EPG5: variants seen among roughly 807,000 people sequenced by gnomAD.
The protein encoded by EPG5 is ectopic P granules protein 5 homolog.
EPG5 carries 159 observed loss-of-function variants against 302.7 expected under a neutral mutation model. The ratio of observed to expected loss-of-function variants is 0.53; its 90% CI spans 0.46 to 0.60. The LOEUF is 0.60. Ranked by LOEUF, EPG5 falls within the 20% of genes least tolerant of loss-of-function variation. EPG5 has a pLI of 0.00. For missense variants in EPG5, 2,896 were observed against 3,092.4 expected, an observed-to-expected ratio of 0.94 and a Z score of 1.51; for synonymous variants, 1,158 against 1,136.8, an observed-to-expected ratio of 1.02 and a Z score of -0.37.
Position 45,856,745 on chromosome 18 carries a change from T to C in EPG5, c.7443-1058A>G, listed in dbSNP as rs546190145. ...CACAAGAATGCTGACATCATCAAGTTTGCAAACTCTTTTCAACACTGACAA... is the reference window on the plus strand; with the variant it reads ...CACAAGAATGCTGACATCATCAAGTCTGCAAACTCTTTTCAACACTGACAA... On this transcript the variant is annotated intron_variant, in intron 42 of 43. Coordinates refer to ENST00000282041, the MANE Select transcript of EPG5 (RefSeq NM_020964.3). 3.9e-5 allele frequency among the ~76,000 whole-genome samples: 6 copies of C among 152,286 alleles called. No individual in the cohort carries two copies. The South Asian group carries it at 6.2e-4, about 16-fold the overall frequency.
the EPG5 span, among the ~76,000 whole-genome samples, chr18:45,821,977 T>C: frequency 6.6e-6 from 1 of 152,208 alleles, no homozygotes; most frequent in African/African-American, 2.4e-5. Flanking sequence ...GAAGCCACTA[T>C]AGAGAACAAT....
intron 30 of EPG5, among the ~76,000 whole-genome samples, chr18:45,884,037 T>C (rs1334389055): frequency 1.3e-5 from 2 of 152,178 alleles, no homozygotes; most frequent in African/African-American, 4.8e-5. Flanking sequence ...AAACACAATT[T>C]AGGCATAAAT....
intron 35 of EPG5, 125 bp downstream of exon 35, chr18:45,876,111 G>A (rs1026332129): frequency 4.9e-5 from 31 of 634,740 alleles, no homozygotes; most frequent in Non-Finnish European, 8.0e-5. Context: ...TTGTATCAGC[G>A]ACTTTTCTTC....
At chr18:45,857,001 C>T (rs1185799210) in intron 42 of EPG5, among the ~76,000 whole-genome samples, 1 of 151,780 alleles carries the variant, frequency 6.6e-6, no homozygotes, top group Admixed American at 6.6e-5. Context: ...TGACTGCAAC[C>T]TCTGCCTCCT....
intron 13 of EPG5, among the ~76,000 whole-genome samples, chr18:45,926,217 C>T (rs368499796): frequency 3.3e-5 from 5 of 152,194 alleles, no homozygotes; most frequent in East Asian, 3.9e-4. Flanking sequence ...AATCGGGGGA[C>T]GGCTATTCAC....
At chr18:45,952,955 C>G (rs761701975) in intron 2 of EPG5, among the ~76,000 whole-genome samples, 1 of 152,046 alleles carries the variant, frequency 6.6e-6, no homozygotes, top group African/African-American at 2.4e-5. Context: ...AGGTGGATCA[C>G]GAAGTCAGGA....
rs2050380196 is a variant in EPG5 at position 45,930,723 on chromosome 18, T to C, written c.2365A>G (p.Asn789Asp). The change falls in exon 12 of 44, where the codon AAT becomes GAT. Residue 789 changes from asparagine to aspartate, a missense_variant. This residue lies in a region of EPG5 where 1,390 missense variants were observed against 1,430.0 expected (regional missense o/e 0.97). Coordinates refer to ENST00000282041, the MANE Select transcript of EPG5 (RefSeq NM_020964.3). ...FAQMAQARRT[N>D]VDEDFIKIIV... ...ATTTTTATGAAGTCTTCGTCCACAT[T>C]GGTTCTTCTGGCCTGAGCCATCTGA... 6.2e-7 allele frequency: 1 copy of C among 1,607,822 alleles called. No individual in the cohort carries two copies.
chr18:45,953,086 T>C (rs1568185744), intron 2 of EPG5, among the ~76,000 whole-genome samples: 2 of 151,972 alleles, frequency 1.3e-5, no homozygotes, highest in South Asian at 2.1e-4. Flanking sequence ...AGCAGGAGAA[T>C]TGCCTGAACC....
rs2051288528 is a variant in EPG5 at position 45,967,268 on chromosome 18, G to C, written c.-29C>G. 6.4e-7 allele frequency: 1 copy of C among 1,564,796 alleles called. No homozygotes were observed. Among genetic ancestry groups the C allele is most frequent in the African/African-American group, 1.4e-5 (1 of 73,342 alleles). On this transcript the variant is annotated 5_prime_UTR_variant, in exon 1 of 44. Transcript: ENST00000282041. ...CCCTTCCGCGGCGCCGTCACCGTTT[G>C]TTTTTGTCAAACCCCTGCGCTTCAA...
At chr18:45,839,386 C>T in the EPG5 span, among the ~76,000 whole-genome samples, 4 of 152,206 alleles carry the variant, frequency 2.6e-5, no homozygotes, top group Non-Finnish European at 5.9e-5. Flanking sequence ...CGTCCCTTTG[C>T]TACCACCCGG....
At chr18:45,919,662 G>A (rs1431199718) in intron 16 of EPG5, among the ~76,000 whole-genome samples, 7 of 152,032 alleles carry the variant, frequency 4.6e-5, no homozygotes, top group South Asian at 4.2e-4. Context: ...ACAGGCGCCC[G>A]CCACCACGCC....
downstream of EPG5, among the ~76,000 whole-genome samples, chr18:45,846,496 A>G: frequency 7.3e-6 from 1 of 136,076 alleles, no homozygotes. Context: ...ACTCCAGCCT[A>G]GGCAACAAGA....
the EPG5 span, among the ~76,000 whole-genome samples, chr18:45,830,058 T>A: frequency 6.6e-6 from 1 of 152,080 alleles, no homozygotes; most frequent in East Asian, 1.9e-4. Context: ...AAGTGACCCG[T>A]GCTCCGCCAT....
At chr18:45,880,025 G>C (rs181879308) in intron 32 of EPG5, 50 bp downstream of exon 32, 33 of 1,487,500 alleles carry the variant, frequency 2.2e-5, no homozygotes, top group Non-Finnish European at 2.7e-5. Flanking sequence ...TGAATAGCAA[G>C]GGAAATAAAA....
At chr18:45,879,399 G>A (rs1008937332) in intron 32 of EPG5, among the ~76,000 whole-genome samples, 185 bp from the exon 33 acceptor site, 14 of 152,266 alleles carry the variant, frequency 9.2e-5, no homozygotes, top group African/African-American at 3.4e-4. Context: ...GTAGAGTCTT[G>A]CTCTGTCGCC....
Position 45,912,418 on chromosome 18 carries a change from G to T in EPG5, c.3855C>A (p.Ser1285=). The T allele has an allele frequency of 6.2e-7, 1 of 1,606,754 alleles. No individual in the cohort carries two copies. The highest frequency in any genetic ancestry group is 8.5e-7 in the Non-Finnish European group (1 of 1,177,752). ...AGCGATAAATCAGCAGCCTCTGGAGGGATGGCACGATGGGGAGCTTCAGCT... is the reference window on the plus strand; with the variant it reads ...AGCGATAAATCAGCAGCCTCTGGAGTGATGGCACGATGGGGAGCTTCAGCT... ...QTQLKLPIVP[S]LQRLLIYRWA... The change falls in exon 22 of 44, where the codon TCC becomes TCA. Residue 1285 remains serine (S), a synonymous_variant. Coordinates refer to ENST00000282041, the MANE Select transcript of EPG5 (RefSeq NM_020964.3).
the EPG5 span, among the ~76,000 whole-genome samples, chr18:45,809,640 T>C: frequency 1.3e-5 from 2 of 152,240 alleles, no homozygotes; most frequent in African/African-American, 4.8e-5. Context: ...AGAAGTGAAA[T>C]CAAGATGAAA....
the EPG5 span, among the ~76,000 whole-genome samples, chr18:45,809,963 G>C: frequency 6.6e-6 from 1 of 152,018 alleles, no homozygotes; most frequent in Non-Finnish European, 1.5e-5. Flanking sequence ...AAAATTAATA[G>C]ACTACTAGCA....
At chr18:45,923,835 C>T (rs1214503501) in intron 14 of EPG5, among the ~76,000 whole-genome samples, 1 of 152,136 alleles carries the variant, frequency 6.6e-6, no homozygotes, top group Non-Finnish European at 1.5e-5. Flanking sequence ...TTGAAACCAG[C>T]CTGGCCAACA....
Sources: gnomAD v4.1 joint callset for allele counts (sites outside exome capture counted in the v4.1 genomes callset) on GRCh38, gnomAD v4.1.1 for gene constraint, gnomAD v4.1.1 regional missense constraint, MANE v1.5 for transcripts, NCBI Gene and HGNC (gene_info 2026-07-23, HGNC 2026-07-21) for gene names.